The following CCDC148 variants were observed in gnomAD, a reference collection of about 807,000 sequenced individuals.
The protein encoded by CCDC148 is coiled-coil domain-containing protein 148.
CCDC148 carries 89 observed loss-of-function variants against 85.7 expected under a neutral mutation model. That is an observed-to-expected ratio of 1.04 (90% CI 0.87 to 1.24). The LOEUF is 1.24. Among genes scored for constraint, CCDC148 ranks in the 50% most tolerant of loss-of-function variants. The probability of loss-of-function intolerance (pLI) is 0.00; values close to 1 mark genes in which losing one functional copy is unlikely to be tolerated. For missense variants in CCDC148, 692 were observed against 671.7 expected (o/e 1.03, Z -0.33); for synonymous variants, 230 against 213.9 (o/e 1.08, Z -0.66).
rs970629322 is a variant in CCDC148, at chr2:158,226,480, A to T, written c.1252-5767T>A. On this transcript the variant is annotated intron_variant, in intron 10 of 13. Transcript: ENST00000283233. ...TGAGGCCAGCATCATCCTGATTCCAAAGCCTGCCAGAGACACAACAAAAAA... is the reference window on the plus strand; with the variant it reads ...TGAGGCCAGCATCATCCTGATTCCATAGCCTGCCAGAGACACAACAAAAAA... Among the ~76,000 whole-genome samples the T allele has an allele frequency of 1.3e-4, 20 of 152,310 alleles. No individual in the cohort carries two copies. In the Middle Eastern group the frequency reaches 0.01, roughly 78 times the overall value.
intron 9 of CCDC148, among the ~76,000 whole-genome samples, chr2:158,264,289 T>C (rs1370947988): frequency 6.6e-6 from 1 of 152,080 alleles, no homozygotes; most frequent in Non-Finnish European, 1.5e-5. Flanking sequence ...CAACTGATAA[T>C]TTAAAGAAAC....
At chr2:158,352,834 G>A (rs1283819783) in intron 2 of CCDC148, among the ~76,000 whole-genome samples, 3 of 151,982 alleles carry the variant, frequency 2.0e-5, no homozygotes, top group Non-Finnish European at 2.9e-5. Context: ...GAGAAAGGTC[G>A]GGTTACTCTC....
chr2:158,341,792 A>T (rs553278692), intron 3 of CCDC148, among the ~76,000 whole-genome samples: 3 of 151,728 alleles, frequency 2.0e-5, no homozygotes, highest in Admixed American at 6.6e-5. Context: ...AGCAATTATA[A>T]TCCTTTAATA....
In CCDC148 at chr2:158,358,593, A is replaced by T. The variant is rs1402686080; in HGVS notation, c.26-23T>A. ...TATCTATTAGTCATAAAAATAGAAAAATGACAAAGAAAGAATATCATGTTA... is the reference window on the plus strand; with the variant it reads ...TATCTATTAGTCATAAAAATAGAAATATGACAAAGAAAGAATATCATGTTA... On this transcript the variant is annotated intron_variant, in intron 1 of 13. Transcript: ENST00000283233. 4.1e-6 allele frequency: 6 copies of T among 1,480,180 alleles called. No homozygotes were observed. In the South Asian group the frequency reaches 7.8e-5, roughly 19 times the overall value. 91.7% of individuals were successfully genotyped at this position (1,480,180 alleles called of 1,614,324 possible).
At chr2:158,246,531 C>G (rs919787449) in intron 10 of CCDC148, among the ~76,000 whole-genome samples, 3 of 152,014 alleles carry the variant, frequency 2.0e-5, no homozygotes, top group African/African-American at 7.2e-5. Flanking sequence ...AAACATGGAA[C>G]CTAAAGTCAG....
chr2:158,183,029 A>C (rs1304483047), intron 11 of CCDC148, among the ~76,000 whole-genome samples: 11 of 152,174 alleles, frequency 7.2e-5, no homozygotes, highest in Non-Finnish European at 1.5e-4. Context: ...TAAGTTGTGC[A>C]CTGAATTCCC....
rs982018716 is a variant in CCDC148 at position 158,439,969 on chromosome 2, C to T, written c.25+16446G>A. Among the ~76,000 whole-genome samples, 4 of 152,206 alleles carry T rather than the reference C, an allele frequency of 2.6e-5. No homozygotes were observed. The East Asian group carries it at 5.8e-4, about 22-fold the overall frequency. On this transcript the variant is annotated intron_variant, in intron 1 of 13. Transcript: ENST00000283233. Reference sequence around the variant, plus strand: ...TCCACCTCCTGGGATGAAGCATCTTCCTATCTTACCTCCTGAGTAGCTAGG... The same window carrying T: ...TCCACCTCCTGGGATGAAGCATCTTTCTATCTTACCTCCTGAGTAGCTAGG...
intron 7 of CCDC148, among the ~76,000 whole-genome samples, chr2:158,326,726 T>C (rs1186296640): frequency 6.6e-6 from 1 of 152,140 alleles, no homozygotes; most frequent in Non-Finnish European, 1.5e-5. Flanking sequence ...ACAATACTCA[T>C]ATGGTTCAAA....
chr2:158,412,870 A>G (rs1247775595), intron 1 of CCDC148, among the ~76,000 whole-genome samples: 1 of 142,482 alleles, frequency 7.0e-6, no homozygotes, highest in Non-Finnish European at 1.5e-5. Context: ...TTATTATTAT[A>G]CTTTAAGTTT....
chr2:158,384,332 C>T lies in CCDC148; in HGVS notation c.26-25762G>A, dbSNP rs528165490. Among the ~76,000 whole-genome samples, 3 of 152,214 alleles carry T rather than the reference C, an allele frequency of 2.0e-5. No homozygotes were observed. In the East Asian group the frequency reaches 5.8e-4, roughly 29 times the overall value. ...AGATTTGTTTTATTCAATGGTGATA[C>T]AGTTTGGTTCTGTGTCCCTACCCAA... On this transcript the variant is annotated intron_variant, in intron 1 of 13. Transcript: ENST00000283233.
chr2:158,384,327 TG>T (rs2105291102), intron 1 of CCDC148, among the ~76,000 whole-genome samples: 1 of 152,302 alleles, frequency 6.6e-6, no homozygotes, highest in African/African-American at 2.4e-5. Flanking sequence ...TATTCAATGG[TG>T]ATACAGTTTG....
chr2:158,436,588 C>T (rs548461008), intron 1 of CCDC148, among the ~76,000 whole-genome samples: 1 of 152,116 alleles, frequency 6.6e-6, no homozygotes, highest in African/African-American at 2.4e-5. Context: ...AGAGCAAACA[C>T]ATTCAAAAGC....
intron 7 of CCDC148, among the ~76,000 whole-genome samples, chr2:158,315,728 T>A (rs1692248966): frequency 1.3e-5 from 2 of 151,552 alleles, no homozygotes; most frequent in South Asian, 4.2e-4. Flanking sequence ...CCCTTCCTTC[T>A]CTGGAGAATT....
chr2:158,380,414 G>A (rs559980971), intron 1 of CCDC148, among the ~76,000 whole-genome samples: 1 of 152,216 alleles, frequency 6.6e-6, no homozygotes, highest in Non-Finnish European at 1.5e-5. Flanking sequence ...AAACTCTAGG[G>A]TAGTGTTGGT....
intron 10 of CCDC148, among the ~76,000 whole-genome samples, chr2:158,228,470 A>G (rs1333641879): frequency 1.3e-5 from 2 of 152,206 alleles, no homozygotes; most frequent in Admixed American, 1.3e-4. Flanking sequence ...ATACACCCAA[A>G]GGATTATAAA....
chr2:158,324,225 C>A (rs544908421), intron 7 of CCDC148, among the ~76,000 whole-genome samples: 2 of 152,018 alleles, frequency 1.3e-5, no homozygotes, highest in Admixed American at 6.6e-5. Flanking sequence ...CCCAGGATAA[C>A]TATTTTTATT....
chr2:158,190,644 A>G (rs1368765352), intron 11 of CCDC148, among the ~76,000 whole-genome samples: 1 of 151,992 alleles, frequency 6.6e-6, no homozygotes, highest in Admixed American at 6.6e-5. Context: ...CACAATTAAT[A>G]TGTATTGCAT....
intron 7 of CCDC148, among the ~76,000 whole-genome samples, chr2:158,314,186 A>G (rs1252080943): frequency 6.6e-6 from 1 of 152,258 alleles, no homozygotes; most frequent in African/African-American, 2.4e-5. Context: ...ACAATATTTT[A>G]GAAATCATGA....
rs1686031138 is a variant in CCDC148, at chr2:158,406,629, T to TTTTTTTTTTTTTGTTTTTG, written c.26-48060_26-48059insCAAAAACAAAAAAAAAAAA. On this transcript the variant is annotated intron_variant, in intron 1 of 13. Transcript: ENST00000283233. The stretch of plus-strand genomic sequence containing the variant: ...ATTAAATTTCTTTTTTTTTTTTTTT[T>TTTTTTTTTTTTTGTTTTTG]TTTTTTTTTTTGAGACAGTGTCTCC... Among the ~76,000 whole-genome samples, 289 of 117,196 alleles carry TTTTTTTTTTTTTGTTTTTG rather than the reference T, an allele frequency of 2.5e-3. 2 individuals carry two copies. The highest frequency in any genetic ancestry group is 7.6e-3 in the East Asian group (29 of 3,794). The allele number at this position is 117,196 out of a possible 152,430, so 76.9% of individuals were successfully genotyped here. A position where few individuals can be genotyped will look rare whatever the true frequency, so the allele number is the denominator to read the frequency against.
Sources: gnomAD v4.1 joint callset for allele counts (sites outside exome capture counted in the v4.1 genomes callset) on GRCh38, gnomAD v4.1.1 for gene constraint, MANE v1.5 for transcripts, NCBI Gene and HGNC (gene_info 2026-07-23, HGNC 2026-07-21) for gene names.